The following GLRA2 variants were observed in gnomAD, a reference collection of about 807,000 sequenced individuals.
GLRA2 encodes glycine receptor alpha 2.
In GLRA2, 11 loss-of-function variants were observed where a neutral mutation model predicts 31.6. The observed-to-expected ratio is 0.35, with a 90% CI of 0.22 to 0.58. GLRA2 has a LOEUF of 0.58. GLRA2 is among the 20% of genes least tolerant of loss of function. The pLI, the probability that GLRA2 is intolerant of heterozygous loss-of-function variation, is 0.84. For missense variants in GLRA2, 212 were observed against 351.8 expected (o/e 0.60, Z 3.18); for synonymous variants, 132 against 134.0 (o/e 0.99, Z 0.10).
chrX:14,613,535 T>C (rs1458873712), intron 7 of GLRA2, among the ~76,000 whole-genome samples: 2 of 111,651 alleles, frequency 1.8e-5, no homozygotes, highest in Non-Finnish European at 3.8e-5. Flanking sequence ...AATATTTGCA[T>C]TGTATTGGGT....
chrX:14,622,248 G>T (rs1295114870), intron 7 of GLRA2, among the ~76,000 whole-genome samples: 1 of 111,749 alleles, frequency 8.9e-6, no homozygotes, highest in African/African-American at 3.3e-5. Context: ...GTTTTTTGTA[G>T]ATTCTGTATA....
chrX:14,498,586 C>T, the GLRA2 span, among the ~76,000 whole-genome samples: 2,028 of 110,710 alleles, frequency 0.018, 55 homozygotes, highest in African/African-American at 0.063. Context: ...ATATCTGTCA[C>T]CTTAAATACT....
chrX:14,508,866 C>T, the GLRA2 span, among the ~76,000 whole-genome samples: 1 of 111,677 alleles, frequency 9.0e-6, no homozygotes, highest in Non-Finnish European at 1.9e-5. Flanking sequence ...AAACACAAAG[C>T]TGTCTAACTC....
chrX:14,480,452 G>T, the GLRA2 span, among the ~76,000 whole-genome samples: 1 of 111,835 alleles, frequency 8.9e-6, no homozygotes, highest in East Asian at 2.8e-4. Context: ...CAGATGTCCA[G>T]AATGATGTTT....
intron 4 of GLRA2, among the ~76,000 whole-genome samples, chrX:14,592,725 A>G (rs1267347660): frequency 8.9e-6 from 1 of 112,257 alleles, no homozygotes; most frequent in Non-Finnish European, 1.9e-5. Context: ...CTCAGTATCA[A>G]GTGCCCTGAG....
chrX:14,476,722 A>G, the GLRA2 span, among the ~76,000 whole-genome samples: 1 of 112,249 alleles, frequency 8.9e-6, no homozygotes, highest in Admixed American at 9.5e-5. Flanking sequence ...TTTTATGTGT[A>G]GTGAGAATTG....
chrX:14,456,757 G>C, the GLRA2 span, among the ~76,000 whole-genome samples: 7 of 112,185 alleles, frequency 6.2e-5, no homozygotes, highest in African/African-American at 2.3e-4. Flanking sequence ...CCATTCATCT[G>C]TTGTTGGGCA....
At chrX:14,614,552 G>T (rs2090434857) in intron 7 of GLRA2, among the ~76,000 whole-genome samples, 1 of 111,673 alleles carries the variant, frequency 9.0e-6, no homozygotes, top group Middle Eastern at 4.6e-3. Context: ...AAGAACTTGT[G>T]CATTATTGCC....
the GLRA2 span, among the ~76,000 whole-genome samples, chrX:14,454,570 T>TA: frequency 0.043 from 3,784 of 87,626 alleles, 182 homozygotes; most frequent in African/African-American, 0.14. Flanking sequence ...GCCCTCAAGG[T>TA]AAAAAAAAAA....
rs190043825 is a variant in GLRA2, at chrX:14,729,788, A to C, written c.1081-419A>C. ...TTCCTTAGGGCCAGGCACACAGCAC[A>C]GGCTCAGTAAATGTTTTCTGAATGA... On this transcript the variant is annotated intron_variant, in intron 8 of 8. Transcript: ENST00000218075. Among the ~76,000 whole-genome samples the C allele has an allele frequency of 3.2e-3, 358 of 111,120 alleles. 1 individual carries two copies. Among genetic ancestry groups the C allele is most frequent in the African/African-American group, 0.011 (325 of 30,546 alleles).
At chrX:14,460,208 C>T in the GLRA2 span, among the ~76,000 whole-genome samples, 1 of 111,664 alleles carries the variant, frequency 9.0e-6, no homozygotes, top group African/African-American at 3.3e-5. Flanking sequence ...AGCCTTGTAT[C>T]CCAGGGATGA....
At chrX:14,686,262 A>T (rs755285446) in intron 7 of GLRA2, among the ~76,000 whole-genome samples, 1 of 111,661 alleles carries the variant, frequency 9.0e-6, no homozygotes, top group South Asian at 3.8e-4. Context: ...AATAAGTGTG[A>T]TGTGGTGCTG....
chrX:14,689,962 A>G lies in GLRA2; in HGVS notation c.931-748A>G, dbSNP rs6630837. ...TTAAGCAAACACTGAAGGGTTATCA[A>G]AGTTTTCTTTTTAACCAGATACCTT... is the stretch of plus-strand genomic sequence containing the variant. On this transcript the variant is annotated intron_variant, in intron 7 of 8. Transcript: ENST00000218075. 9.8e-5 allele frequency among the ~76,000 whole-genome samples: 11 copies of G among 112,179 alleles called. No individual in the cohort carries two copies. In the East Asian group the frequency reaches 2.0e-3, roughly 20 times the overall value.
At chrX:14,649,564 G>T (rs897439191) in intron 7 of GLRA2, among the ~76,000 whole-genome samples, 1 of 111,823 alleles carries the variant, frequency 8.9e-6, no homozygotes, top group Admixed American at 9.5e-5. Context: ...CATCTAGCAA[G>T]AATTAGAGAT....
Position 14,607,220 on chromosome X carries a change from T to C in GLRA2, c.667T>C (p.Leu223=), listed in dbSNP as rs756970298. 61 of 1,196,201 alleles carry C rather than the reference T, an allele frequency of 5.1e-5. No individual in the cohort carries two copies. The highest frequency in any genetic ancestry group is 6.2e-5 in the Non-Finnish European group (55 of 883,836). The change falls in exon 6 of 9, where the codon TTG becomes CTG. Residue 223 remains leucine, a synonymous_variant. Coordinates refer to ENST00000218075, the MANE Select transcript of GLRA2 (RefSeq NM_002063.4). ...AGGATTGACCCTGCCCCAGTTTATTTTGAAAGAAGAGAAGGAACTTGGCTA... is the reference window on the plus strand; with the variant it reads ...AGGATTGACCCTGCCCCAGTTTATTCTGAAAGAAGAGAAGGAACTTGGCTA... ...AEGLTLPQFI[L]KEEKELGYCT...
the GLRA2 span, among the ~76,000 whole-genome samples, chrX:14,452,778 G>T: frequency 8.9e-6 from 1 of 111,967 alleles, no homozygotes; most frequent in Non-Finnish European, 1.9e-5. Context: ...AGGTACAGTG[G>T]CTGGAATTTT....
intron 7 of GLRA2, among the ~76,000 whole-genome samples, chrX:14,649,214 T>TA (rs1196761137): frequency 4.3e-3 from 444 of 103,007 alleles, no homozygotes; most frequent in Non-Finnish European, 5.9e-3. Flanking sequence ...CTCCGTTTTT[T>TA]AAAAAAAAAA....
At chrX:14,720,668 A>C (rs755857085) in intron 8 of GLRA2, among the ~76,000 whole-genome samples, 2 of 111,937 alleles carry the variant, frequency 1.8e-5, no homozygotes, top group South Asian at 7.5e-4. Flanking sequence ...CTGGACTCTT[A>C]TTCTGCTATT....
At chrX:14,574,564 G>T (rs757051380) in intron 3 of GLRA2, 164 bp downstream of exon 3, 1 of 1,151,562 alleles carries the variant, frequency 8.7e-7, no homozygotes, top group East Asian at 3.0e-5. Context: ...ACAATGGTGA[G>T]TGGGACTGAG....
Sources: gnomAD v4.1 joint callset for allele counts (sites outside exome capture counted in the v4.1 genomes callset) on GRCh38, gnomAD v4.1.1 for gene constraint, MANE v1.5 for transcripts, NCBI Gene and HGNC (gene_info 2026-07-23, HGNC 2026-07-21) for gene names.